Variants in ACSBG2 observed in about 807,000 individuals in gnomAD.
ACSBG2 encodes long-chain-fatty-acid--CoA ligase ACSBG2.
Under a neutral mutation model 74.7 loss-of-function variants are expected in ACSBG2, and 62 were observed. The ratio of observed to expected loss-of-function variants is 0.83; its 90% CI spans 0.68 to 1.03. The LOEUF is 1.03. Among genes scored for constraint, ACSBG2 ranks in the 50% least tolerant of loss-of-function variants. ACSBG2 has a pLI of 0.00. For synonymous variants in ACSBG2, 309 were observed against 294.1 expected, an observed-to-expected ratio of 1.05 and a Z score of -0.52; for missense variants, 730 against 817.6, an observed-to-expected ratio of 0.89 and a Z score of 1.31.
chr19:6,154,539 T>G (rs1314713125), intron 4 of ACSBG2, among the ~76,000 whole-genome samples: 1 of 148,532 alleles, frequency 6.7e-6, no homozygotes, highest in African/African-American at 2.5e-5. Flanking sequence ...AGAGGTGGAG[T>G]CTCACTCTGT....
chr19:6,173,819 C>T (rs2090025224), intron 7 of ACSBG2, among the ~76,000 whole-genome samples: 1 of 152,128 alleles, frequency 6.6e-6, no homozygotes, highest in Admixed American at 6.5e-5. Flanking sequence ...CAAGGCTTTC[C>T]ACAATAGGGA....
chr19:6,163,796 A>C (rs1374971392), intron 6 of ACSBG2, among the ~76,000 whole-genome samples: 2 of 148,512 alleles, frequency 1.3e-5, no homozygotes, highest in South Asian at 2.1e-4. Context: ...AAAAAAAAAA[A>C]AAAAACAGCC....
In ACSBG2 at chr19:6,151,836, C is replaced by T. The variant is rs369160877; in HGVS notation, c.386+41C>T. ...TGGTTCATGGTGAGGGTTAAGGAGC[C>T]GCTACCCTGGGCCTGGGACCCCTGG... On this transcript the variant is annotated intron_variant, in intron 4 of 14. Coordinates refer to ENST00000588485, the MANE Select transcript of ACSBG2 (RefSeq NM_030924.5). 4.4e-5 allele frequency: 68 copies of T among 1,550,006 alleles called. No individual in the cohort carries two copies. The South Asian group carries it at 5.6e-4, about 13-fold the overall frequency.
chr19:6,161,309 G>A lies in ACSBG2; in HGVS notation c.588+14G>A, dbSNP rs2089603865. On this transcript the variant is annotated intron_variant, in intron 6 of 14. Transcript: ENST00000588485. ...AACTTGTACTCTGTAAGTGTGGGAG[G>A]TGGGCACTGGGGAAAGGGGAGGGCG... 7 of 1,610,238 alleles carry A rather than the reference G, an allele frequency of 4.3e-6. No homozygotes were observed. Among genetic ancestry groups the A allele is most frequent in the Non-Finnish European group, 8.5e-7 (1 of 1,176,976 alleles).
intron 4 of ACSBG2, 63 bp downstream of exon 4, chr19:6,151,858 C>T: frequency 1.3e-6 from 2 of 1,485,262 alleles, no homozygotes; most frequent in Non-Finnish European, 1.8e-6. Context: ...CCTGGGACCC[C>T]TGGGCTTGTC....
chr19:6,175,503 A>G (rs1466597170), intron 7 of ACSBG2: 2 of 152,182 alleles, frequency 1.3e-5, no homozygotes, highest in East Asian at 1.9e-4. Flanking sequence ...AGGAAGTGAC[A>G]TTTCAGCTGA....
At chr19:6,144,411 G>A (rs923816270) in intron 2 of ACSBG2, among the ~76,000 whole-genome samples, 10 of 152,316 alleles carry the variant, frequency 6.6e-5, no homozygotes, top group Admixed American at 5.2e-4. Flanking sequence ...AGAATGTCAT[G>A]TGAGGATCGA....
At chr19:6,164,434 CTTTTT>C (rs542313082) in intron 6 of ACSBG2, among the ~76,000 whole-genome samples, 2 of 133,876 alleles carry the variant, frequency 1.5e-5, no homozygotes, top group African/African-American at 2.8e-5. Context: ...TTTGAGGGGC[CTTTTT>C]TTTTTTTTTT....
chr19:6,190,975 C>T, intron 14 of ACSBG2: 1 of 213,176 alleles, frequency 4.7e-6, no homozygotes, highest in South Asian at 1.1e-4. Context: ...GTGCTTCCTG[C>T]CTTTTCTATT....
At chr19:6,187,490 A>G in intron 12 of ACSBG2, 68 bp downstream of exon 12, 2 of 1,602,946 alleles carry the variant, frequency 1.2e-6, no homozygotes, top group Non-Finnish European at 1.7e-6. Context: ...GCCCCACCCC[A>G]GGGTCAAGAG....
At chr19:6,189,328 C>A (rs1224806786) in intron 13 of ACSBG2, among the ~76,000 whole-genome samples, 2 of 152,262 alleles carry the variant, frequency 1.3e-5, no homozygotes, top group Admixed American at 6.5e-5. Context: ...TGCCTCTCTT[C>A]CCCCATGAGG....
chr19:6,186,024 T>G (rs1400639804), intron 11 of ACSBG2, among the ~76,000 whole-genome samples: 1 of 151,876 alleles, frequency 6.6e-6, no homozygotes, highest in Non-Finnish European at 1.5e-5. Flanking sequence ...AAAGACCTTT[T>G]GAACTTTTCA....
intron 13 of ACSBG2, 110 bp from the exon 14 acceptor site, chr19:6,190,468 GCACAGC>G: frequency 1.2e-6 from 1 of 814,648 alleles, no homozygotes; most frequent in South Asian, 1.5e-5. Context: ...AAAGTCAATG[GCACAGC>G]CAGCCACCCA....
In ACSBG2 at chr19:6,161,296, G is replaced by GT. The variant is rs1555693234; in HGVS notation, c.588+2dup. On this transcript the variant is annotated splice_donor_variant, in intron 6 of 14. Coordinates refer to ENST00000588485, the MANE Select transcript of ACSBG2 (RefSeq NM_030924.5). LOFTEE classifies it high-confidence loss of function. Reference sequence around the variant, plus strand: ...GAAGAAGAACAACAACTTGTACTCTGTAAGTGTGGGAGGTGGGCACTGGGG... The same window carrying GT: ...GAAGAAGAACAACAACTTGTACTCTGTTAAGTGTGGGAGGTGGGCACTGGGG... 2 of 1,607,992 alleles carry GT rather than the reference G, an allele frequency of 1.2e-6. No homozygotes were observed. Among genetic ancestry groups the GT allele is most frequent in the South Asian group, 1.1e-5 (1 of 90,996 alleles).
At chr19:6,158,078 CAG>C (rs2089483457) in intron 5 of ACSBG2, among the ~76,000 whole-genome samples, 1 of 138,620 alleles carries the variant, frequency 7.2e-6, no homozygotes, top group African/African-American at 2.7e-5. Flanking sequence ...TTTTTTGAGA[CAG>C]AGTCTCGCTC....
chr19:6,187,328 T>C lies in ACSBG2; in HGVS notation c.1586T>C (p.Val529Ala), dbSNP rs1300858172. 3 of 1,614,130 alleles carry C rather than the reference T, an allele frequency of 1.9e-6. No individual in the cohort carries two copies. The Admixed American group carries it at 5.0e-5, about 27-fold the overall frequency. Residue 529 changes from valine (V) to alanine (A), a missense_variant, in exon 12 of 15, where the codon GTT becomes GCT. Val to Ala is a moderately conservative substitution (Grantham distance 64). Transcript: ENST00000588485. ...AGGENVPPIP[V>A]ETLVKKKIPI... Reference sequence around the variant, plus strand: ...GGTGAAAATGTGCCCCCCATTCCTGTTGAGACCTTGGTTAAGAAGAAGATC... The same window carrying C: ...GGTGAAAATGTGCCCCCCATTCCTGCTGAGACCTTGGTTAAGAAGAAGATC...
chr19:6,185,747 T>C (rs1227724989), intron 11 of ACSBG2, 94 bp downstream of exon 11: 9 of 1,264,910 alleles, frequency 7.1e-6, no homozygotes, highest in Non-Finnish European at 1.0e-5. Flanking sequence ...CCACCCCCAG[T>C]TCCTCACCTT....
rs768679679 is a variant in ACSBG2 at position 6,166,020 on chromosome 19, G to C, written c.738+5G>C. ...GTGATGCTCAGTCATGACAACGTACGCCAAAGTCCCTTTGCTCTGGAGTGG... is the reference window on the plus strand; with the variant it reads ...GTGATGCTCAGTCATGACAACGTACCCCAAAGTCCCTTTGCTCTGGAGTGG... On this transcript the variant is annotated splice_donor_5th_base_variant and intron_variant, in intron 7 of 14. Transcript: ENST00000588485. 1 of 1,613,676 alleles carries C rather than the reference G, an allele frequency of 6.2e-7. No individual in the cohort carries two copies. The highest frequency in any genetic ancestry group is 8.5e-7 in the Non-Finnish European group (1 of 1,179,798).
chr19:6,167,593 C>T (rs762066826), intron 7 of ACSBG2, among the ~76,000 whole-genome samples: 1 of 152,142 alleles, frequency 6.6e-6, no homozygotes, highest in Non-Finnish European at 1.5e-5. Flanking sequence ...AACTCCTTTC[C>T]TCCTCCTGCA....
Sources: gnomAD v4.1 joint callset for allele counts (sites outside exome capture counted in the v4.1 genomes callset) on GRCh38, gnomAD v4.1.1 for gene constraint, MANE v1.5 for transcripts, NCBI Gene and HGNC (gene_info 2026-07-23, HGNC 2026-07-21) for gene names.